Variants in TMEM63C observed in about 807,000 individuals in gnomAD.
The protein encoded by TMEM63C is osmosensitive cation channel TMEM63C.
TMEM63C carries 32 observed loss-of-function variants against 99.2 expected under a neutral mutation model. The ratio of observed to expected loss-of-function variants is 0.32; its 90% CI spans 0.24 to 0.43. The LOEUF is 0.43. TMEM63C is among the 20% of genes least tolerant of loss of function. TMEM63C has a pLI of 1.00. For synonymous variants in TMEM63C, 376 were observed against 397.9 expected, an observed-to-expected ratio of 0.94 and a Z score of 0.66; for missense variants, 826 against 1,053.0, an observed-to-expected ratio of 0.78 and a Z score of 2.98.
intron 2 of TMEM63C, among the ~76,000 whole-genome samples, chr14:77,216,499 C>T (rs1029052763): frequency 4.6e-5 from 7 of 152,184 alleles, no homozygotes; most frequent in Non-Finnish European, 1.0e-4. Context: ...CCCTGCTCCC[C>T]GTCCCCACTT....
intron 20 of TMEM63C, 43 bp from the exon 21 acceptor site, chr14:77,249,248 A>G: frequency 6.2e-7 from 1 of 1,606,124 alleles, no homozygotes; most frequent in Non-Finnish European, 8.5e-7. Flanking sequence ...AAAGGTCCAG[A>G]CTTGAAGGGG....
intron 5 of TMEM63C, among the ~76,000 whole-genome samples, chr14:77,225,080 A>G (rs558511156): frequency 4.6e-5 from 7 of 152,290 alleles, no homozygotes; most frequent in Non-Finnish European, 8.8e-5. Flanking sequence ...ACTGGACCAC[A>G]CGCATCCAGT....
At chr14:77,199,644 C>T (rs1467011) in intron 1 of TMEM63C, among the ~76,000 whole-genome samples, 57,381 of 152,080 alleles carry the variant, frequency 0.38, 12,626 homozygotes, top group East Asian at 0.67. Flanking sequence ...CTCTGAGCCC[C>T]ACAGCTTGGC....
intron 5 of TMEM63C, 50 bp from the exon 6 acceptor site, chr14:77,225,374 G>A (rs1204932156): frequency 6.2e-7 from 1 of 1,600,272 alleles, no homozygotes. Context: ...GAGCTGGGCA[G>A]GGCAGGCCAG....
chr14:77,242,530 G>A, intron 14 of TMEM63C, 61 bp downstream of exon 14: 1 of 1,586,922 alleles, frequency 6.3e-7, no homozygotes, highest in Non-Finnish European at 8.6e-7. Context: ...GAAGGCAGCA[G>A]GACAGGGCCT....
intron 1 of TMEM63C, among the ~76,000 whole-genome samples, chr14:77,212,848 T>G (rs1888514821): frequency 1.3e-5 from 2 of 152,178 alleles, no homozygotes; most frequent in Admixed American, 1.3e-4. Flanking sequence ...CCCCACCTCC[T>G]GCCCAACTCC....
At chr14:77,247,367 A>C (rs1029924109) in intron 18 of TMEM63C, among the ~76,000 whole-genome samples, 6 of 151,976 alleles carry the variant, frequency 3.9e-5, no homozygotes, top group African/African-American at 1.5e-4. Context: ...TGCCTGGCTA[A>C]TTTTTGTATT....
intron 13 of TMEM63C, 32 bp downstream of exon 13, chr14:77,240,640 C>T (rs1227392921): frequency 1.2e-6 from 2 of 1,601,416 alleles, no homozygotes; most frequent in Middle Eastern, 1.7e-4. Flanking sequence ...CACCCAGCCC[C>T]AAGCATACTC....
intron 6 of TMEM63C, among the ~76,000 whole-genome samples, chr14:77,226,329 C>G (rs1019736410): frequency 3.3e-5 from 5 of 152,190 alleles, no homozygotes; most frequent in Non-Finnish European, 5.9e-5. Flanking sequence ...GGCATTGCAC[C>G]GTGCATCCAG....
chr14:77,186,908 C>T (rs115381534), intron 1 of TMEM63C, among the ~76,000 whole-genome samples: 2,675 of 151,978 alleles, frequency 0.018, 81 homozygotes, highest in African/African-American at 0.061. Context: ...CCTTGGCTGG[C>T]GCCTCATGTG....
chr14:77,206,144 A>G (rs1888395489), intron 1 of TMEM63C, among the ~76,000 whole-genome samples: 3 of 151,278 alleles, frequency 2.0e-5, no homozygotes, highest in Admixed American at 6.6e-5. Flanking sequence ...TCTCTTCCCT[A>G]TAGGAGTCTA....
intron 5 of TMEM63C, among the ~76,000 whole-genome samples, chr14:77,224,367 A>T (rs1364153466): frequency 4.6e-5 from 7 of 152,060 alleles, no homozygotes; most frequent in Non-Finnish European, 1.0e-4. Context: ...CCTCTTCCCC[A>T]GTCCATGTGG....
chr14:77,246,137 A>G, intron 17 of TMEM63C, 111 bp downstream of exon 17: 1 of 846,052 alleles, frequency 1.2e-6, no homozygotes, highest in Non-Finnish European at 2.0e-6. Flanking sequence ...CCACTCCTCA[A>G]AGACAGCCCC....
At chr14:77,215,614 A>AAAAAAAAAAAAAAAAAGAAAAG (rs772701077) in intron 2 of TMEM63C, among the ~76,000 whole-genome samples, 4 of 76,526 alleles carry the variant, frequency 5.2e-5, no homozygotes, top group African/African-American at 2.2e-4. Context: ...AAAAAAAAAA[A>AAAAAAAAAAAAAAAAAGAAAAG]AAAAGAAAAG....
chr14:77,247,578 CT>C (rs1160909552), intron 18 of TMEM63C, among the ~76,000 whole-genome samples: 1 of 152,166 alleles, frequency 6.6e-6, no homozygotes, highest in Non-Finnish European at 1.5e-5. Context: ...ACTGATATTA[CT>C]TATTGGAATA....
intron 15 of TMEM63C, 25 bp downstream of exon 15, chr14:77,243,081 C>G: frequency 6.2e-7 from 1 of 1,612,370 alleles, no homozygotes; most frequent in Non-Finnish European, 8.5e-7. Context: ...CAGGCCAGGC[C>G]TGGGGACCCC....
Position 77,258,054 on chromosome 14 carries a change from G to A in TMEM63C, c.*1328G>A, listed in dbSNP as rs1478488817. On this transcript the variant is annotated 3_prime_UTR_variant, in exon 24 of 24. Transcript: ENST00000298351. ...CACTCAGCACCTTTGCCACAGCCGGGGGGAACCGGCTTCTGCCTCTGGGAT... is the reference window on the plus strand; with the variant it reads ...CACTCAGCACCTTTGCCACAGCCGGAGGGAACCGGCTTCTGCCTCTGGGAT... 1 of 152,374 alleles carries A rather than the reference G, an allele frequency of 6.6e-6. No individual in the cohort carries two copies. Among genetic ancestry groups the A allele is most frequent in the Non-Finnish European group, 1.5e-5 (1 of 68,162 alleles). The allele number at this position is 152,374 out of a possible 1,614,324, so 9.4% of individuals were successfully genotyped here.
intron 6 of TMEM63C, 123 bp downstream of exon 6, chr14:77,225,584 C>A: frequency 3.3e-6 from 3 of 918,698 alleles, no homozygotes; most frequent in South Asian, 1.7e-5. Flanking sequence ...ATCCTCCCCG[C>A]CACCTCGGCC....
At chr14:77,208,486 G>T (rs1888443238) in intron 1 of TMEM63C, among the ~76,000 whole-genome samples, 1 of 152,200 alleles carries the variant, frequency 6.6e-6, no homozygotes, top group Non-Finnish European at 1.5e-5. Context: ...CTGAGCACCA[G>T]GGAGATCGCC....
Sources: allele counts gnomAD v4.1 joint callset (sites outside exome capture counted in the v4.1 genomes callset), GRCh38; gene constraint gnomAD v4.1.1; transcripts MANE v1.5; gene names NCBI Gene and HGNC (gene_info 2026-07-23, HGNC 2026-07-21).